The following RTRAF variants were observed in gnomAD, a reference collection of about 807,000 sequenced individuals.
RTRAF encodes the protein RNA transcription, translation and transport factor, also known as tRNA-splicing ligase complex subunit RTRAF.
Under a neutral mutation model 34.4 loss-of-function variants are expected in RTRAF, and 14 were observed. The ratio of observed to expected loss-of-function variants is 0.41; its 90% CI spans 0.27 to 0.64. RTRAF has a LOEUF of 0.64. RTRAF is among the 30% of genes least tolerant of loss of function. RTRAF has a pLI of 0.34. For missense variants in RTRAF, 291 were observed against 288.4 expected, an observed-to-expected ratio of 1.01 and a Z score of -0.06; for synonymous variants, 96 against 95.3, an observed-to-expected ratio of 1.01 and a Z score of -0.04.
chr14:52,010,673 AAATAT>A lies in RTRAF; in HGVS notation c.*6160_*6164del, dbSNP rs1238945796. 3 of 533,314 alleles carry A rather than the reference AAATAT, an allele frequency of 5.6e-6. No individual in the cohort carries two copies. The highest frequency in any genetic ancestry group is 3.1e-5 in the Admixed American group (1 of 32,736). The allele number at this position is 533,314 out of a possible 1,614,324, so 33.0% of individuals were successfully genotyped here. On this transcript the variant is annotated 3_prime_UTR_variant, in exon 8 of 8. Coordinates refer to ENST00000261700, the MANE Select transcript of RTRAF (RefSeq NM_016039.3). ...ATACCAGTCTTGTTTCCTCCTAATA[AAATAT>A]AAGTGCCATGAAAGAACAGACCTTG...
intron 6 of RTRAF, 157 bp from the exon 7 acceptor site, chr14:52,004,037 C>A: frequency 1.5e-6 from 1 of 671,544 alleles, no homozygotes; most frequent in Non-Finnish European, 2.6e-6. Flanking sequence ...TAATCACAAT[C>A]ATCACAAAGC....
intron 6 of RTRAF, among the ~76,000 whole-genome samples, chr14:52,003,062 C>T (rs1384264545): frequency 6.6e-6 from 1 of 152,140 alleles, no homozygotes; most frequent in East Asian, 1.9e-4. Context: ...AAAGGCTTAG[C>T]CAAATCTCTT....
At chr14:51,998,337 C>T (rs930195081) in intron 3 of RTRAF, 157 bp from the exon 4 acceptor site, 10 of 496,712 alleles carry the variant, frequency 2.0e-5, no homozygotes, top group Admixed American at 1.6e-4. Context: ...GCAGATAATC[C>T]GAAGTCTGAA....
chr14:52,003,214 A>G (rs1890634429), intron 6 of RTRAF, among the ~76,000 whole-genome samples: 1 of 152,188 alleles, frequency 6.6e-6, no homozygotes, highest in Non-Finnish European at 1.5e-5. Flanking sequence ...TATAACTACT[A>G]TTTGAGGCAT....
chr14:51,998,344 T>C (rs1378446083), intron 3 of RTRAF, 150 bp from the exon 4 acceptor site: 2 of 507,202 alleles, frequency 3.9e-6, no homozygotes, highest in Admixed American at 4.0e-5. Flanking sequence ...ATCCGAAGTC[T>C]GAAAAAATTT....
intron 6 of RTRAF, 190 bp downstream of exon 6, chr14:52,002,056 GA>G: frequency 3.6e-6 from 2 of 561,700 alleles, no homozygotes; most frequent in East Asian, 6.3e-5. Flanking sequence ...ATTTTTGAGT[GA>G]AAAACTTCAT....
rs751176744 is a variant in RTRAF, at chr14:51,989,589, C to T, written c.-51C>T. ...TGCCTGCGCCTCCCGCTCCACCTCG[C>T]TTCTTCTCTCCCGGCCGAGGCCCGG... On this transcript the variant is annotated 5_prime_UTR_variant, in exon 1 of 8. Transcript: ENST00000261700. 2 of 1,552,196 alleles carry T rather than the reference C, an allele frequency of 1.3e-6. No individual in the cohort carries two copies. Among genetic ancestry groups the T allele is most frequent in the Non-Finnish European group, 1.7e-6 (2 of 1,147,644 alleles).
At chr14:51,993,372 TTTAAAG>T (rs1391034887) in intron 2 of RTRAF, among the ~76,000 whole-genome samples, 1 of 152,160 alleles carries the variant, frequency 6.6e-6, no homozygotes, top group Non-Finnish European at 1.5e-5. Flanking sequence ...GTATATCCTT[TTTAAAG>T]TTATTCTTTT....
chr14:51,999,634 G>C, intron 4 of RTRAF, 74 bp from the exon 5 acceptor site: 1 of 1,044,248 alleles, frequency 9.6e-7, no homozygotes, highest in Non-Finnish European at 1.4e-6. Context: ...AAATGTTTTT[G>C]TATGTTCACA....
chr14:52,005,287 T>G lies in RTRAF; in HGVS notation c.*771T>G, dbSNP rs1453709326. 2.4e-6 allele frequency: 1 copy of G among 421,644 alleles called. No homozygotes were observed. The highest frequency in any genetic ancestry group is 4.1e-6 in the Non-Finnish European group (1 of 243,332). The allele number at this position is 421,644 out of a possible 1,614,324, so 26.1% of individuals were successfully genotyped here. ...CTTTTTAAACTTGCAATAACAACCT[T>G]CATTTTTAAAAATACAGTAGTAAAG... On this transcript the variant is annotated 3_prime_UTR_variant, in exon 8 of 8. Coordinates refer to ENST00000261700, the MANE Select transcript of RTRAF (RefSeq NM_016039.3).
chr14:52,007,993 A>C lies in RTRAF; in HGVS notation c.*3477A>C. 1 of 1,586,160 alleles carries C rather than the reference A, an allele frequency of 6.3e-7. No individual in the cohort carries two copies. Reference sequence around the variant, plus strand: ...CTGTAAGTTAAAAATCAAGATTGTAAAAGAATAGCCATGTAGCCTGTGGTA... The same window carrying C: ...CTGTAAGTTAAAAATCAAGATTGTACAAGAATAGCCATGTAGCCTGTGGTA... On this transcript the variant is annotated 3_prime_UTR_variant, in exon 8 of 8. Coordinates refer to ENST00000261700, the MANE Select transcript of RTRAF (RefSeq NM_016039.3).
chr14:52,001,139 G>A (rs1260145349), intron 5 of RTRAF, among the ~76,000 whole-genome samples: 1 of 152,044 alleles, frequency 6.6e-6, no homozygotes, highest in African/African-American at 2.4e-5. Context: ...ATAGCATTTG[G>A]TTTTTTATTT....
At position 51,993,811 on chromosome 14, in the gene RTRAF, A is replaced by T; in HGVS notation, c.275A>T (p.Tyr92Phe). 6.4e-7 allele frequency: 1 copy of T among 1,559,786 alleles called. No homozygotes were observed. Among genetic ancestry groups the T allele is most frequent in the Non-Finnish European group, 8.8e-7 (1 of 1,140,954 alleles). ...WLLGLAVRLEYGDNAEKYKDL... is the reference protein window; with the variant it reads ...WLLGLAVRLEFGDNAEKYKDL... The stretch of plus-strand genomic sequence containing the variant: ...CTTGGTTTAGCTGTTAGACTTGAAT[A>T]TGGAGATAATGGTACGTTTTGTGGG... Residue 92 changes from tyrosine to phenylalanine, a missense_variant, in exon 3 of 8, where the codon TAT becomes TTT. Physicochemically the swap from Tyr to Phe is conservative, Grantham distance 22 (BLOSUM62 3). Coordinates refer to ENST00000261700, the MANE Select transcript of RTRAF (RefSeq NM_016039.3).
chr14:52,005,293 TTAAAAA>T lies in RTRAF; in HGVS notation c.*780_*785del, dbSNP rs1295070440. 2.3e-6 allele frequency: 1 copy of T among 428,806 alleles called. No homozygotes were observed. The highest frequency in any genetic ancestry group is 4.2e-5 in the Admixed American group (1 of 24,074). The allele number at this position is 428,806 out of a possible 1,614,324, so 26.6% of individuals were successfully genotyped here. On this transcript the variant is annotated 3_prime_UTR_variant, in exon 8 of 8. Coordinates refer to ENST00000261700, the MANE Select transcript of RTRAF (RefSeq NM_016039.3). ...AAACTTGCAATAACAACCTTCATTT[TTAAAAA>T]TACAGTAGTAAAGATTGAGGTATCA...
chr14:51,997,498 T>C (rs1264937187), intron 3 of RTRAF, among the ~76,000 whole-genome samples: 1 of 151,992 alleles, frequency 6.6e-6, no homozygotes, highest in African/African-American at 2.4e-5. Context: ...TTTTATGCTT[T>C]TATTTTTTCC....
chr14:51,995,232 G>C (rs1207438761), intron 3 of RTRAF, among the ~76,000 whole-genome samples: 1 of 151,588 alleles, frequency 6.6e-6, no homozygotes. Context: ...GCCAACATTA[G>C]CCTCACTGGG....
chr14:52,000,900 G>A (rs994962000), intron 5 of RTRAF, among the ~76,000 whole-genome samples: 2 of 152,122 alleles, frequency 1.3e-5, no homozygotes, highest in African/African-American at 4.8e-5. Flanking sequence ...CAAAACCCAA[G>A]GGGATAAAGT....
chr14:52,009,995 GAAAAA>G lies in RTRAF; in HGVS notation c.*5485_*5489del, dbSNP rs369796666. The G allele has an allele frequency of 6.9e-6, 1 of 144,210 alleles. No homozygotes were observed. The highest frequency in any genetic ancestry group is 2.6e-5 in the African/African-American group (1 of 39,074). The allele number at this position is 144,210 out of a possible 1,614,324, so 8.9% of individuals were successfully genotyped here. A position where few individuals can be genotyped will look rare whatever the true frequency, so the allele number is the denominator to read the frequency against. On this transcript the variant is annotated 3_prime_UTR_variant, in exon 8 of 8. Transcript: ENST00000261700. ...AAGCAAGACCTTGTCTCAAAAAAAA[GAAAAA>G]AAAAAGAAAAAAGGACCTTCCAAAT... is the stretch of plus-strand genomic sequence containing the variant.
intron 6 of RTRAF, 113 bp downstream of exon 6, chr14:52,001,979 TAGAG>T: frequency 1.1e-6 from 1 of 929,158 alleles, no homozygotes; most frequent in South Asian, 1.8e-5. Context: ...TTCTACAACT[TAGAG>T]AAAGGATAGC....
Sources: allele counts gnomAD v4.1 joint callset (sites outside exome capture counted in the v4.1 genomes callset), GRCh38; gene constraint gnomAD v4.1.1; transcripts MANE v1.5; gene names NCBI Gene and HGNC (gene_info 2026-07-23, HGNC 2026-07-21).